Variants in MINPP1 observed in about 807,000 individuals in gnomAD.
MINPP1 encodes the protein multiple inositol-polyphosphate phosphatase 1, also known as multiple inositol polyphosphate phosphatase 1.
In MINPP1, 28 loss-of-function variants were observed where a neutral mutation model predicts 46.1. That is an observed-to-expected ratio of 0.61 (90% CI 0.45 to 0.83). The LOEUF is 0.83. MINPP1 is among the 40% of genes least tolerant of loss of function. MINPP1 has a pLI of 0.00. For missense variants in MINPP1, 603 were observed against 610.0 expected (o/e 0.99, Z 0.12); for synonymous variants, 268 against 249.1 (o/e 1.08, Z -0.72).
Position 87,521,090 on chromosome 10 carries a change from A to T in MINPP1, c.988A>T (p.Thr330Ser). ...ATATTGGAAAAGAGGATATGGGTAT[A>T]CTATTAACAGTCGATCCAGCTGCAC... is the stretch of plus-strand genomic sequence containing the variant. ...KQYWKRGYGY[T>S]INSRSSCTLF... is the part of the protein sequence containing the mutation. The change falls in exon 4 of 5, where the codon ACT becomes TCT. Residue 330 changes from threonine (T) to serine (S), a missense_variant. Around this residue, in one of 3 missense-constraint regions of MINPP1, gnomAD observed 344 missense variants for 381.1 expected, o/e 0.90. Coordinates refer to ENST00000371996, the MANE Select transcript of MINPP1 (RefSeq NM_004897.5). 6.7e-7 allele frequency: 1 copy of T among 1,495,014 alleles called. No individual in the cohort carries two copies. The highest frequency in any genetic ancestry group is 9.3e-7 in the Non-Finnish European group (1 of 1,072,550). The allele number at this position is 1,495,014 out of a possible 1,614,324, so 92.6% of individuals were successfully genotyped here. A position where few individuals can be genotyped will look rare whatever the true frequency, so the allele number is the denominator to read the frequency against.
At chr10:87,517,893 C>T (rs1851435686) in intron 3 of MINPP1, among the ~76,000 whole-genome samples, 1 of 150,858 alleles carries the variant, frequency 6.6e-6, no homozygotes, top group Admixed American at 6.6e-5. Context: ...AACTCTTGAC[C>T]TCAAGGGAGC....
rs1346152009 is a variant in MINPP1, at chr10:87,552,749, T to C, written c.*271T>C. The C allele has an allele frequency of 6.9e-6, 3 of 436,892 alleles. No individual in the cohort carries two copies. The highest frequency in any genetic ancestry group is 2.6e-5 in the South Asian group (1 of 38,012). 27.1% of individuals were successfully genotyped at this position (436,892 alleles called of 1,614,324 possible). On this transcript the variant is annotated 3_prime_UTR_variant, in exon 5 of 5. Transcript: ENST00000371996. ...ACAGAAATGAAATTCTTCCTACTTA[T>C]ATAAGAAATCTCACACTGAGATAGA...
intron 4 of MINPP1, among the ~76,000 whole-genome samples, chr10:87,543,882 C>G (rs1851851641): frequency 6.6e-6 from 1 of 152,194 alleles, no homozygotes. Flanking sequence ...TAGGTCCCGC[C>G]TTCAACATTG....
chr10:87,552,628 TTTGGACATGAAATGTAA>T lies in MINPP1; in HGVS notation c.*151_*167del. 1.3e-6 allele frequency: 1 copy of T among 784,980 alleles called. No individual in the cohort carries two copies. Among genetic ancestry groups the T allele is most frequent in the Non-Finnish European group, 2.0e-6 (1 of 497,436 alleles). 48.6% of individuals were successfully genotyped at this position (784,980 alleles called of 1,614,324 possible). A position where few individuals can be genotyped will look rare whatever the true frequency, so the allele number is the denominator to read the frequency against. ...GAAAAACATTGGGTTTCTCTCTGGG[TTTGGACATGAAATGTAA>T]GAAAAGATTTTTCACTGGAGCAGCT... On this transcript the variant is annotated 3_prime_UTR_variant, in exon 5 of 5. Transcript: ENST00000371996.
Position 87,505,089 on chromosome 10 carries a change from C to A in MINPP1, c.174C>A (p.Pro58=). 1.2e-6 allele frequency: 2 copies of A among 1,613,654 alleles called. No homozygotes were observed. The highest frequency in any genetic ancestry group is 2.2e-5 in the East Asian group (1 of 44,878). The change falls in exon 1 of 5, where the codon CCC becomes CCA. Residue 58 remains proline (P), a synonymous_variant. Coordinates refer to ENST00000371996, the MANE Select transcript of MINPP1 (RefSeq NM_004897.5). The surrounding 1 kb of genome is among the most constrained non-coding windows in gnomAD (Gnocchi z 4.4). ...AGACTCGCTACGAGGATGTCAACCCCGTGCTATTGTCGGGCCCCGAGGCTC... is the reference window on the plus strand; with the variant it reads ...AGACTCGCTACGAGGATGTCAACCCAGTGCTATTGTCGGGCCCCGAGGCTC... ...GTKTRYEDVN[P]VLLSGPEAPW...
At chr10:87,532,537 G>A (rs762613522) in intron 4 of MINPP1, among the ~76,000 whole-genome samples, 5 of 152,220 alleles carry the variant, frequency 3.3e-5, no homozygotes, top group Non-Finnish European at 7.3e-5. Flanking sequence ...TCAGCAGTGA[G>A]CGATGATGAA....
At chr10:87,506,483 A>G (rs1016507494) in intron 1 of MINPP1, among the ~76,000 whole-genome samples, 3 of 152,216 alleles carry the variant, frequency 2.0e-5, no homozygotes, top group Admixed American at 2.0e-4. Flanking sequence ...TGGAGTTGAT[A>G]GTATTTTCCC....
At chr10:87,508,807 T>A (rs912744706) in intron 2 of MINPP1, among the ~76,000 whole-genome samples, 11 of 152,190 alleles carry the variant, frequency 7.2e-5, no homozygotes, top group Non-Finnish European at 1.6e-4. Context: ...AAGCCTCAAC[T>A]GTAGGCATTA....
Position 87,508,657 on chromosome 10 carries a change from A to G in MINPP1, c.835+124A>G, listed in dbSNP as rs146087494. ...AATTGATCTACATTAAGAAAATAAT[A>G]TGTTCTGGGTCAAAAAAATTGTATA... is the stretch of plus-strand genomic sequence containing the variant. On this transcript the variant is annotated intron_variant, in intron 2 of 4. Coordinates refer to ENST00000371996, the MANE Select transcript of MINPP1 (RefSeq NM_004897.5). 6.7e-4 allele frequency: 661 copies of G among 981,050 alleles called. No individual in the cohort carries two copies. The African/African-American group carries it at 9.9e-3, about 15-fold the overall frequency. The allele number at this position is 981,050 out of a possible 1,614,324, so 60.8% of individuals were successfully genotyped here. A position where few individuals can be genotyped will look rare whatever the true frequency, so the allele number is the denominator to read the frequency against.
chr10:87,526,389 GTTGT>G (rs1851577406), intron 4 of MINPP1, among the ~76,000 whole-genome samples: 1 of 152,204 alleles, frequency 6.6e-6, no homozygotes, highest in Non-Finnish European at 1.5e-5. Context: ...TTTTGATGGG[GTTGT>G]TTGATTTTTT....
intron 3 of MINPP1, among the ~76,000 whole-genome samples, chr10:87,520,079 T>TGTGTGTGTGTG (rs1359714382): frequency 2.0e-5 from 3 of 151,550 alleles, no homozygotes; most frequent in Non-Finnish European, 2.9e-5. Flanking sequence ...TGTGTGTGTG[T>TGTGTGTGTGTG]TGGTAATAAA....
chr10:87,545,764 T>C (rs1231385667), intron 4 of MINPP1, among the ~76,000 whole-genome samples: 1 of 152,188 alleles, frequency 6.6e-6, no homozygotes, highest in Non-Finnish European at 1.5e-5. Flanking sequence ...AACCTCAGAA[T>C]CCTTCTCAAT....
chr10:87,521,567 T>C (rs1205256735), intron 4 of MINPP1, among the ~76,000 whole-genome samples: 1 of 152,236 alleles, frequency 6.6e-6, no homozygotes, highest in Non-Finnish European at 1.5e-5. Context: ...GGAATCATAC[T>C]GCTTATTGTC....
rs575403785 is a variant in MINPP1, at chr10:87,516,465, A to G, written c.933+3244A>G. ...GTTGGAAGTACATTTACGACTTACA[A>G]TGGATTTATCCAGACATAGCCTCGT... On this transcript the variant is annotated intron_variant, in intron 3 of 4. Coordinates refer to ENST00000371996, the MANE Select transcript of MINPP1 (RefSeq NM_004897.5). Among the ~76,000 whole-genome samples the G allele has an allele frequency of 9.5e-5, 10 of 105,140 alleles. 4 individuals are homozygous for G. The South Asian group carries it at 3.5e-3, about 37-fold the overall frequency. 69.0% of individuals were successfully genotyped at this position (105,140 alleles called of 152,430 possible). A position where few individuals can be genotyped will look rare whatever the true frequency, so the allele number is the denominator to read the frequency against.
rs1365644831 is a variant in MINPP1, at chr10:87,505,679, A to T, written c.637+127A>T. The T allele has an allele frequency of 1.1e-6, 1 of 876,598 alleles. No individual in the cohort carries two copies. The highest frequency in any genetic ancestry group is 1.7e-6 in the Non-Finnish European group (1 of 577,440). The allele number at this position is 876,598 out of a possible 1,614,324, so 54.3% of individuals were successfully genotyped here. ...CTCTTTCCTCTTTTCCCAAGCCATC[A>T]TCCCTCGGGCTACGTCCTCCCTGTC... On this transcript the variant is annotated intron_variant, in intron 1 of 4. Coordinates refer to ENST00000371996, the MANE Select transcript of MINPP1 (RefSeq NM_004897.5). This position sits in a 1 kb window ranked among gnomAD's most constrained non-coding sequence, Gnocchi z 4.4.
intron 4 of MINPP1, among the ~76,000 whole-genome samples, chr10:87,527,655 A>T (rs1032171519): frequency 6.6e-6 from 1 of 151,480 alleles, no homozygotes; most frequent in Non-Finnish European, 1.5e-5. Context: ...CTCATCAGGG[A>T]TATTGGTCTA....
At position 87,508,133 on chromosome 10, in the gene MINPP1, T is replaced by C. The variant is rs868251385; in HGVS notation, c.638-203T>C. 7.8e-5 allele frequency: 120 copies of C among 1,529,328 alleles called. 2 individuals are homozygous for C. In the South Asian group the frequency reaches 1.3e-3, roughly 17 times the overall value. The allele number at this position is 1,529,328 out of a possible 1,614,324, so 94.7% of individuals were successfully genotyped here. On this transcript the variant is annotated intron_variant, in intron 1 of 4. Coordinates refer to ENST00000371996, the MANE Select transcript of MINPP1 (RefSeq NM_004897.5). ...CTTCAATCTCTATTTCTTTAGCCTTTTCTAGCTATTCTCATGCGTTACAGC... is the reference window on the plus strand; with the variant it reads ...CTTCAATCTCTATTTCTTTAGCCTTCTCTAGCTATTCTCATGCGTTACAGC...
chr10:87,505,132 C>G lies in MINPP1; in HGVS notation c.217C>G (p.Leu73Val). 1 of 1,612,272 alleles carries G rather than the reference C, an allele frequency of 6.2e-7. No homozygotes were observed. The highest frequency in any genetic ancestry group is 8.5e-7 in the Non-Finnish European group (1 of 1,179,432). ...CGAGGCTCCGTGGCGGGACCCTGAG[C>G]TGCTGGAGGGGACCTGCACCCCGGT... The part of the protein sequence containing the change: ...GPEAPWRDPE[L>V]LEGTCTPVQL... Residue 73 changes from leucine to valine, a missense_variant, in exon 1 of 5, where the codon CTG becomes GTG. By Grantham distance (32) the Leu-to-Val change is conservative. Around this residue, in one of 3 missense-constraint regions of MINPP1, gnomAD observed 239 missense variants for 189.4 expected, o/e 1.26. Transcript: ENST00000371996. This position sits in a 1 kb window ranked among gnomAD's most constrained non-coding sequence, Gnocchi z 4.4.
At chr10:87,540,968 T>C (rs150335634) in intron 4 of MINPP1, among the ~76,000 whole-genome samples, 49 of 152,342 alleles carry the variant, frequency 3.2e-4, no homozygotes, top group Admixed American at 2.6e-3. Flanking sequence ...TTAAAAGTTA[T>C]AAAAACAAAC....
Sources: gnomAD v4.1 joint callset for allele counts (sites outside exome capture counted in the v4.1 genomes callset) on GRCh38, gnomAD v4.1.1 for gene constraint, gnomAD v4.1.1 regional missense constraint, Gnocchi (gnomAD v3.1) non-coding constraint, MANE v1.5 for transcripts, NCBI Gene and HGNC (gene_info 2026-07-23, HGNC 2026-07-21) for gene names.